Variants in LRCH1 observed in about 807,000 individuals in gnomAD.
LRCH1 encodes leucine rich repeats and calponin homology domain containing 1.
LRCH1 carries 23 observed loss-of-function variants against 94.9 expected under a neutral mutation model. The observed-to-expected ratio is 0.24, with a 90% confidence interval of 0.17 to 0.34. The LOEUF (loss-of-function observed/expected upper bound fraction) is 0.34, where lower values mean the gene tolerates loss of function less well. Ranked by LOEUF, LRCH1 falls within the 10% of genes least tolerant of loss-of-function variation. The probability of loss-of-function intolerance (pLI) is 1.00; values close to 1 mark genes in which losing one functional copy is unlikely to be tolerated. For missense variants in LRCH1, 790 were observed against 945.9 expected, an observed-to-expected ratio of 0.84 and a Z score of 2.16; for synonymous variants, 364 against 354.9, an observed-to-expected ratio of 1.03 and a Z score of -0.29.
rs201321936 is a variant in LRCH1 at position 46,681,802 on chromosome 13, G to A, written c.641G>A (p.Arg214Gln). 234 of 1,613,506 alleles carry A rather than the reference G, an allele frequency of 1.5e-4. 1 individual carries two copies. The highest frequency in any genetic ancestry group is 3.6e-5 in the Non-Finnish European group (42 of 1,179,660). Residue 214 changes from arginine to glutamine, a missense_variant, in exon 4 of 20, where the codon CGA becomes CAA. By Grantham distance (43) the Arg-to-Gln change is conservative. This residue lies in a region of LRCH1 where 194 missense variants were observed against 293.5 expected (regional missense o/e 0.66). Transcript: ENST00000389797. ...CAGATAGGTCAGTTGAAATCTCTAC[G>A]AGAACTGAATGTCAGAAGAAATTAC... The part of the protein sequence containing the change: ...PQQIGQLKSL[R>Q]ELNVRRNYLK...
At chr13:46,620,027 T>C (rs549793574) in intron 1 of LRCH1, among the ~76,000 whole-genome samples, 2 of 152,338 alleles carry the variant, frequency 1.3e-5, no homozygotes, top group Admixed American at 1.3e-4. Context: ...TGAATAGAGA[T>C]AACGTAATTC....
intron 1 of LRCH1, among the ~76,000 whole-genome samples, chr13:46,608,334 C>T (rs568928994): frequency 3.9e-5 from 6 of 152,164 alleles, no homozygotes; most frequent in South Asian, 2.1e-4. Flanking sequence ...GAGAGACATA[C>T]GCACTGTGTT....
chr13:46,738,640 T>C (rs1873506634), intron 19 of LRCH1, among the ~76,000 whole-genome samples: 1 of 152,242 alleles, frequency 6.6e-6, no homozygotes, highest in Non-Finnish European at 1.5e-5. Context: ...AGTCAATGAC[T>C]TTAGTGTTAA....
At chr13:46,686,739 T>G (rs1248843271) in intron 5 of LRCH1, among the ~76,000 whole-genome samples, 3 of 152,152 alleles carry the variant, frequency 2.0e-5, no homozygotes, top group African/African-American at 7.2e-5. Context: ...AGGCCAGTTT[T>G]CTGATTCTCT....
intron 1 of LRCH1, among the ~76,000 whole-genome samples, chr13:46,643,749 T>C (rs1306221129): frequency 6.6e-6 from 1 of 152,158 alleles, no homozygotes; most frequent in Admixed American, 6.5e-5. Flanking sequence ...GATTAAATGA[T>C]ACTCAGAGAA....
intron 1 of LRCH1, among the ~76,000 whole-genome samples, chr13:46,619,866 C>T (rs1196622773): frequency 2.0e-5 from 3 of 152,108 alleles, no homozygotes; most frequent in African/African-American, 7.2e-5. Flanking sequence ...TCTATACCCA[C>T]GTTCTCAGTC....
intron 1 of LRCH1, among the ~76,000 whole-genome samples, chr13:46,620,000 G>A (rs148045441): frequency 1.2e-4 from 18 of 152,114 alleles, no homozygotes; most frequent in Admixed American, 3.9e-4. Context: ...CTTTTGGTTC[G>A]GCACTAATTT....
At chr13:46,667,278 C>A (rs1170233097) in intron 2 of LRCH1, among the ~76,000 whole-genome samples, 4 of 152,112 alleles carry the variant, frequency 2.6e-5, no homozygotes, top group African/African-American at 9.7e-5. Context: ...TAGAAAGGTT[C>A]TTTCCACAGC....
intron 19 of LRCH1, among the ~76,000 whole-genome samples, chr13:46,736,060 G>A (rs1437593849): frequency 6.6e-6 from 1 of 151,612 alleles, no homozygotes; most frequent in African/African-American, 2.4e-5. Context: ...GCCTCCCAAA[G>A]TGCTAGGATT....
At chr13:46,652,096 A>G (rs2051312507) in intron 2 of LRCH1, among the ~76,000 whole-genome samples, 1 of 121,092 alleles carries the variant, frequency 8.3e-6, no homozygotes, top group Non-Finnish European at 1.7e-5. Context: ...GTTTGTTTTG[A>G]GACGGAGTCT....
intron 1 of LRCH1, among the ~76,000 whole-genome samples, chr13:46,613,459 C>T (rs974970161): frequency 9.9e-5 from 15 of 152,022 alleles, no homozygotes; most frequent in African/African-American, 2.4e-5. Flanking sequence ...CAGCCATCAA[C>T]GCTTCCCTCC....
intron 2 of LRCH1, among the ~76,000 whole-genome samples, chr13:46,668,725 TGGCGG>T (rs1566212442): frequency 1.9e-4 from 1 of 5,300 alleles, no homozygotes; most frequent in East Asian, 3.7e-3. Context: ...TAAGTGGCGG[TGGCGG>T]GGTGGCGGGG....
rs375908937 is a variant in LRCH1 at position 46,750,695 on chromosome 13, G to T, written c.*45G>T. The T allele has an allele frequency of 3.2e-5, 44 of 1,382,568 alleles. 1 individual carries two copies. In the East Asian group the frequency reaches 4.5e-4, roughly 14 times the overall value. The allele number at this position is 1,382,568 out of a possible 1,614,324, so 85.6% of individuals were successfully genotyped here. ...GGGGCTCAGACTCTGCTCTCATCCA[G>T]GATCCTGAACTCTGCTCCAGGCACC... On this transcript the variant is annotated 3_prime_UTR_variant, in exon 19 of 19. Transcript: ENST00000311191.
Position 46,712,388 on chromosome 13 carries a change from G to A in LRCH1, c.1582-137G>A, listed in dbSNP as rs2275679. ...ACATCTTTACAAAGTGATTTTTTTTGGCCAGGACTTCATCACACAGCAGCG... is the reference window on the plus strand; with the variant it reads ...ACATCTTTACAAAGTGATTTTTTTTAGCCAGGACTTCATCACACAGCAGCG... On this transcript the variant is annotated intron_variant, in intron 14 of 19. Coordinates refer to ENST00000389797, the MANE Select transcript of LRCH1 (RefSeq NM_001164211.2). 88,670 of 645,002 alleles carry A rather than the reference G, an allele frequency of 0.14. 6,450 individuals are homozygous for A. Among genetic ancestry groups the A allele is most frequent in the African/African-American group, 0.21 (11,676 of 55,372 alleles). The allele number at this position is 645,002 out of a possible 1,614,324, so 40.0% of individuals were successfully genotyped here. A position where few individuals can be genotyped will look rare whatever the true frequency, so the allele number is the denominator to read the frequency against.
At chr13:46,653,313 T>C (rs2051329990) in intron 2 of LRCH1, among the ~76,000 whole-genome samples, 1 of 152,148 alleles carries the variant, frequency 6.6e-6, no homozygotes. Flanking sequence ...ATTACCATGT[T>C]TGAGACCTAT....
At chr13:46,613,374 G>A (rs576111909) in intron 1 of LRCH1, among the ~76,000 whole-genome samples, 20 of 142,336 alleles carry the variant, frequency 1.4e-4, no homozygotes, top group Non-Finnish European at 1.7e-4. Context: ...GTGACAGAGC[G>A]AGACCCCGTC....
intron 2 of LRCH1, among the ~76,000 whole-genome samples, chr13:46,653,481 T>A (rs1406506028): frequency 1.3e-5 from 2 of 152,196 alleles, no homozygotes; most frequent in African/African-American, 2.4e-5. Flanking sequence ...ACATATATAA[T>A]TATTTTCAAA....
At chr13:46,593,198 C>T (rs2050519711) in intron 1 of LRCH1, among the ~76,000 whole-genome samples, 1 of 150,958 alleles carries the variant, frequency 6.6e-6, no homozygotes, top group Non-Finnish European at 1.5e-5. Context: ...TACTAAAGTT[C>T]ATCAGTGTAT....
intron 2 of LRCH1, among the ~76,000 whole-genome samples, chr13:46,651,254 G>C (rs915596658): frequency 2.0e-5 from 3 of 152,234 alleles, no homozygotes; most frequent in African/African-American, 7.2e-5. Flanking sequence ...CAACATCAAA[G>C]TTCAGAAAGT....
Sources: allele counts gnomAD v4.1 joint callset (sites outside exome capture counted in the v4.1 genomes callset), GRCh38; gene constraint gnomAD v4.1.1; regional missense constraint gnomAD v4.1.1; transcripts MANE v1.5; gene names NCBI Gene and HGNC (gene_info 2026-07-23, HGNC 2026-07-21).